The following MVB12B variants were observed in gnomAD, a reference collection of about 807,000 sequenced individuals.
The protein encoded by MVB12B is ESCRT-I complex subunit MVB12B.
In MVB12B, 16 loss-of-function variants were observed where a neutral mutation model predicts 41.6. That is an observed-to-expected ratio of 0.38 (90% CI 0.26 to 0.58). The LOEUF is 0.58. Among genes scored for constraint, MVB12B ranks in the 20% least tolerant of loss-of-function variants. MVB12B has a pLI of 0.62. For synonymous variants in MVB12B, 133 were observed against 139.7 expected (o/e 0.95, Z 0.34); for missense variants, 274 against 380.2 (o/e 0.72, Z 2.32).
At chr9:126,475,933 T>C (rs534946909) in intron 7 of MVB12B, among the ~76,000 whole-genome samples, 2 of 151,912 alleles carry the variant, frequency 1.3e-5, no homozygotes, top group African/African-American at 4.8e-5. Flanking sequence ...TGTCGTGAAC[T>C]CTCAGACGGT....
Position 126,407,632 on chromosome 9 carries a change from C to T in MVB12B, c.662+11935C>T, listed in dbSNP as rs1450425588. Among the ~76,000 whole-genome samples, 6 of 152,204 alleles carry T rather than the reference C, an allele frequency of 3.9e-5. No homozygotes were observed. The South Asian group carries it at 8.3e-4, about 21-fold the overall frequency. The stretch of plus-strand genomic sequence containing the variant: ...ATTGAGACTACCCCACCCCCACCGA[C>T]GCCCTCACAACCCAGTTCTTCCCCG... On this transcript the variant is annotated intron_variant, in intron 6 of 9. Transcript: ENST00000361171.
At chr9:126,452,695 C>T (rs1336199934) in intron 7 of MVB12B, among the ~76,000 whole-genome samples, 1 of 152,068 alleles carries the variant, frequency 6.6e-6, no homozygotes, top group Non-Finnish European at 1.5e-5. Context: ...TTTGATCTTG[C>T]TGACCTGGAT....
chr9:126,486,177 A>AT lies in MVB12B; in HGVS notation c.873+2154dup, dbSNP rs113388275. ...AAACCAACCTGATTGTCATATATAG[A>AT]TTTTTTTTTCTTTTTTTGATAACTC... On this transcript the variant is annotated intron_variant, in intron 9 of 9. Transcript: ENST00000361171. The surrounding 1 kb of genome is among the most constrained non-coding windows in gnomAD (Gnocchi z 4.7). Among the ~76,000 whole-genome samples, 329 of 151,754 alleles carry AT rather than the reference A, an allele frequency of 2.2e-3. 3 individuals carry two copies. Among genetic ancestry groups the AT allele is most frequent in the African/African-American group, 7.0e-3 (290 of 41,372 alleles).
At position 126,483,953 on chromosome 9, in the gene MVB12B, A is replaced by G. The variant is rs764597940; in HGVS notation, c.814-20A>G. 5 of 1,613,674 alleles carry G rather than the reference A, an allele frequency of 3.1e-6. No homozygotes were observed. The highest frequency in any genetic ancestry group is 4.5e-5 in the East Asian group (2 of 44,894). ...GCATTTTCCAGCTATTTAAAAGGGC[A>G]ACTTCATCTGTGTTTTCAGATGCAG... On this transcript the variant is annotated intron_variant, in intron 8 of 9. Transcript: ENST00000361171.
At chr9:126,425,209 G>A (rs887893313) in intron 7 of MVB12B, among the ~76,000 whole-genome samples, 19 of 152,144 alleles carry the variant, frequency 1.2e-4, no homozygotes, top group Admixed American at 1.2e-3. Context: ...GGAGTTTGAG[G>A]CTATAATGTG....
At chr9:126,384,813 A>AT (rs1830729619) in intron 3 of MVB12B, among the ~76,000 whole-genome samples, 1 of 148,578 alleles carries the variant, frequency 6.7e-6, no homozygotes, top group South Asian at 2.1e-4. Flanking sequence ...GATTACAGGC[A>AT]TGAGCCACCA....
chr9:126,453,665 T>C (rs1832923342), intron 7 of MVB12B, among the ~76,000 whole-genome samples: 1 of 152,254 alleles, frequency 6.6e-6, no homozygotes, highest in South Asian at 2.1e-4. Context: ...AACTCGTACA[T>C]GGACACAATC....
At chr9:126,354,920 C>T (rs755784309) in intron 2 of MVB12B, among the ~76,000 whole-genome samples, 14 of 152,020 alleles carry the variant, frequency 9.2e-5, no homozygotes, top group Admixed American at 3.9e-4. Context: ...GCTAATATAC[C>T]GTCTATTTTA....
intron 1 of MVB12B, chr9:126,327,281 C>T: frequency 3.0e-6 from 3 of 984,996 alleles, no homozygotes; most frequent in Non-Finnish European, 3.6e-6. Context: ...CAGCAGCGCC[C>T]CCAAGGCCCG....
intron 9 of MVB12B, among the ~76,000 whole-genome samples, chr9:126,495,191 C>CAAAAAA (rs5900709): frequency 1.5e-5 from 2 of 131,930 alleles, no homozygotes; most frequent in African/African-American, 2.9e-5. Flanking sequence ...GATCCTGTCT[C>CAAAAAA]AAAAAAAAAA....
At chr9:126,466,050 A>G (rs1833192522) in intron 7 of MVB12B, among the ~76,000 whole-genome samples, 1 of 152,224 alleles carries the variant, frequency 6.6e-6, no homozygotes, top group Non-Finnish European at 1.5e-5. Flanking sequence ...CCCCTCCATC[A>G]GTTAGTTTTT....
intron 6 of MVB12B, chr9:126,396,528 C>T (rs1831117818): frequency 1.0e-6 from 1 of 985,378 alleles, no homozygotes; most frequent in African/African-American, 1.7e-5. Flanking sequence ...AGGAACCGGA[C>T]AGAAGAGTCA....
intron 1 of MVB12B, among the ~76,000 whole-genome samples, chr9:126,327,577 C>T (rs1175808147): frequency 6.6e-6 from 1 of 152,112 alleles, no homozygotes; most frequent in African/African-American, 2.4e-5. Flanking sequence ...ATGGTGGGCA[C>T]GTCGAGCACC....
Position 126,436,128 on chromosome 9 carries a change from C to G in MVB12B, c.757+14180C>G, listed in dbSNP as rs1417128276. 6.6e-6 allele frequency among the ~76,000 whole-genome samples: 1 copy of G among 152,210 alleles called. No homozygotes were observed. The highest frequency in any genetic ancestry group is 2.1e-4 in the South Asian group (1 of 4,832). On this transcript the variant is annotated intron_variant, in intron 7 of 9. Coordinates refer to ENST00000361171, the MANE Select transcript of MVB12B (RefSeq NM_033446.3). This position sits in a 1 kb window ranked among gnomAD's most constrained non-coding sequence, Gnocchi z 4.1. ...AAAAGAGATGCTGTTTTTTGGATCACTGCACAAGAATTGCTTTTATCTTCA... is the reference window on the plus strand; with the variant it reads ...AAAAGAGATGCTGTTTTTTGGATCAGTGCACAAGAATTGCTTTTATCTTCA...
chr9:126,423,380 G>T (rs1360391836), intron 7 of MVB12B, among the ~76,000 whole-genome samples: 2 of 152,222 alleles, frequency 1.3e-5, no homozygotes, highest in Non-Finnish European at 2.9e-5. Flanking sequence ...GAACACTGCT[G>T]TCTGCCTCTG....
Position 126,392,216 on chromosome 9 carries a change from T to C in MVB12B, c.539+21T>C, listed in dbSNP as rs1425396450. ...ATTGGGTGAGTCTTAATAACAGGACTGTCAGCTGCTTCTCTTCCCTGAGAG... is the reference window on the plus strand; with the variant it reads ...ATTGGGTGAGTCTTAATAACAGGACCGTCAGCTGCTTCTCTTCCCTGAGAG... On this transcript the variant is annotated intron_variant, in intron 5 of 9. Coordinates refer to ENST00000361171, the MANE Select transcript of MVB12B (RefSeq NM_033446.3). The surrounding 1 kb of genome is among the most constrained non-coding windows in gnomAD (Gnocchi z 4.8). The C allele has an allele frequency of 6.2e-7, 1 of 1,613,000 alleles. No individual in the cohort carries two copies. Among genetic ancestry groups the C allele is most frequent in the Non-Finnish European group, 8.5e-7 (1 of 1,179,082 alleles).
chr9:126,468,636 G>A lies in MVB12B; in HGVS notation c.758-12733G>A, dbSNP rs575029220. Among the ~76,000 whole-genome samples, 7 of 152,250 alleles carry A rather than the reference G, an allele frequency of 4.6e-5. No individual in the cohort carries two copies. Among genetic ancestry groups the A allele is most frequent in the East Asian group, 3.9e-4 (2 of 5,178 alleles). On this transcript the variant is annotated intron_variant, in intron 7 of 9. Transcript: ENST00000361171. The surrounding 1 kb of genome is among the most constrained non-coding windows in gnomAD (Gnocchi z 4.3). ...CACTGCCCTCATCCGGGCCACCAGCGTCCCTCGCCTGGTTCAGTGTCAGAA... is the reference window on the plus strand; with the variant it reads ...CACTGCCCTCATCCGGGCCACCAGCATCCCTCGCCTGGTTCAGTGTCAGAA...
chr9:126,491,577 C>A (rs141134344), intron 9 of MVB12B, among the ~76,000 whole-genome samples: 1 of 152,228 alleles, frequency 6.6e-6, no homozygotes, highest in Admixed American at 6.5e-5. Flanking sequence ...CTTGTTATTT[C>A]TTTATTTTTC....
chr9:126,342,608 C>T (rs1259296739), intron 2 of MVB12B, among the ~76,000 whole-genome samples: 1 of 152,200 alleles, frequency 6.6e-6, no homozygotes, highest in African/African-American at 2.4e-5. Flanking sequence ...CCCAGCTCTG[C>T]ACGGCCGAGG....
Sources: gnomAD v4.1 joint callset for allele counts (sites outside exome capture counted in the v4.1 genomes callset) on GRCh38, gnomAD v4.1.1 for gene constraint, Gnocchi (gnomAD v3.1) non-coding constraint, MANE v1.5 for transcripts, NCBI Gene and HGNC (gene_info 2026-07-23, HGNC 2026-07-21) for gene names.